The following GPC3 variants were observed in gnomAD, a reference collection of about 807,000 sequenced individuals.
GPC3 encodes the protein glypican-3.
In GPC3, 3 loss-of-function variants were observed where a neutral mutation model predicts 34.4. The ratio of observed to expected loss-of-function variants is 0.09; its 90% CI spans 0.04 to 0.23. GPC3 has a LOEUF of 0.23. Ranked by LOEUF, GPC3 falls within the 10% of genes least tolerant of loss-of-function variation. The probability of loss-of-function intolerance (pLI) is 1.00; values close to 1 mark genes in which losing one functional copy is unlikely to be tolerated. For missense variants in GPC3, 351 were observed against 445.6 expected (o/e 0.79, Z 1.91); for synonymous variants, 177 against 174.0 (o/e 1.02, Z -0.13).
intron 2 of GPC3, among the ~76,000 whole-genome samples, chrX:133,904,276 A>C (rs2076158553): frequency 9.0e-6 from 1 of 111,546 alleles, no homozygotes; most frequent in Non-Finnish European, 1.9e-5. Context: ...CTGGTCACAA[A>C]CTGTGTGACA....
At chrX:133,712,826 G>C (rs370396992) in intron 3 of GPC3, among the ~76,000 whole-genome samples, 2 of 109,936 alleles carry the variant, frequency 1.8e-5, no homozygotes, top group Admixed American at 1.9e-4. Context: ...TGGAGGTTGC[G>C]GTGAGCCGAG....
intron 2 of GPC3, among the ~76,000 whole-genome samples, chrX:133,902,364 TG>T (rs1178538521): frequency 2.7e-5 from 3 of 112,396 alleles, no homozygotes; most frequent in African/African-American, 9.7e-5. Flanking sequence ...TGAGATGTCT[TG>T]GGTTGGAGGT....
intron 2 of GPC3, among the ~76,000 whole-genome samples, chrX:133,838,401 G>A (rs2075808910): frequency 8.9e-6 from 1 of 112,056 alleles, no homozygotes; most frequent in African/African-American, 3.2e-5. Context: ...AAGTACTTGC[G>A]GAAACAGATG....
chrX:133,915,681 TC>T (rs772830037), intron 2 of GPC3, among the ~76,000 whole-genome samples: 10 of 112,613 alleles, frequency 8.9e-5, no homozygotes, highest in Non-Finnish European at 1.7e-4. Flanking sequence ...TTGGGCCATG[TC>T]CTAGGAAACC....
chrX:133,661,960 C>T (rs2070731765), intron 5 of GPC3, 110 bp from the exon 6 acceptor site: 2 of 887,737 alleles, frequency 2.3e-6, no homozygotes, highest in South Asian at 4.2e-5. Context: ...CATGAGACGA[C>T]CTCATGGTGC....
intron 5 of GPC3, among the ~76,000 whole-genome samples, chrX:133,682,060 CGTT>C (rs1364317549): frequency 2.7e-5 from 3 of 111,648 alleles, no homozygotes; most frequent in African/African-American, 9.8e-5. Context: ...GCAGCCCAAA[CGTT>C]GTTGCAACAA....
chrX:133,668,346 A>C (rs1479068372), intron 5 of GPC3, among the ~76,000 whole-genome samples: 3 of 111,897 alleles, frequency 2.7e-5, no homozygotes, highest in African/African-American at 9.8e-5. Context: ...TCAAGTTCTC[A>C]CTACCTTTTC....
At chrX:133,659,094 C>G (rs1381812933) in intron 6 of GPC3, among the ~76,000 whole-genome samples, 1 of 112,318 alleles carries the variant, frequency 8.9e-6, no homozygotes, top group Admixed American at 9.4e-5. Context: ...TTACATATAT[C>G]TATGTGTACA....
intron 6 of GPC3, among the ~76,000 whole-genome samples, chrX:133,620,065 G>A (rs1264272373): frequency 9.3e-6 from 1 of 108,018 alleles, no homozygotes; most frequent in South Asian, 4.2e-4. Context: ...CTAAAAATAT[G>A]AAAAATTAGT....
chrX:133,798,627 C>T (rs2075593765), intron 2 of GPC3, among the ~76,000 whole-genome samples: 1 of 112,454 alleles, frequency 8.9e-6, no homozygotes, highest in African/African-American at 3.2e-5. Context: ...TTTGTAAGCA[C>T]TCAGTTCAAA....
intron 3 of GPC3, among the ~76,000 whole-genome samples, chrX:133,723,074 TC>T (rs3831708): frequency 0.22 from 24,647 of 111,059 alleles, 2,962 homozygotes; most frequent in East Asian, 0.5. Context: ...TTGACTTCTC[TC>T]TTTGTCCATT....
At chrX:133,669,444 C>A (rs1334790461) in intron 5 of GPC3, among the ~76,000 whole-genome samples, 4 of 112,013 alleles carry the variant, frequency 3.6e-5, no homozygotes, top group Non-Finnish European at 7.5e-5. Flanking sequence ...GGTGCCTCTG[C>A]AGCTTTGCAT....
At chrX:133,538,035 C>T (rs773514040) in intron 7 of GPC3, among the ~76,000 whole-genome samples, 124 of 111,722 alleles carry the variant, frequency 1.1e-3, no homozygotes, top group South Asian at 1.9e-3. Flanking sequence ...GAGAGTTTTT[C>T]TTCCTGAGTA....
intron 6 of GPC3, among the ~76,000 whole-genome samples, chrX:133,611,381 T>C (rs1412508767): frequency 8.9e-6 from 1 of 111,793 alleles, no homozygotes; most frequent in Non-Finnish European, 1.9e-5. Context: ...ACCAGCTCAG[T>C]GCAAGAAGAG....
chrX:133,603,859 GCT>G (rs1234469854), intron 6 of GPC3, among the ~76,000 whole-genome samples: 3 of 111,971 alleles, frequency 2.7e-5, no homozygotes, highest in African/African-American at 6.5e-5. Flanking sequence ...TTTGGCTGAA[GCT>G]CTTTTTGTGC....
intron 6 of GPC3, among the ~76,000 whole-genome samples, chrX:133,600,625 C>T (rs1276723565): frequency 1.8e-5 from 2 of 111,226 alleles, no homozygotes; most frequent in Non-Finnish European, 3.8e-5. Context: ...ATTGTTAATG[C>T]GAAAATCTTA....
At chrX:133,673,551 C>T (rs781269933) in intron 5 of GPC3, among the ~76,000 whole-genome samples, 4 of 112,182 alleles carry the variant, frequency 3.6e-5, no homozygotes, top group East Asian at 5.6e-4. Context: ...AGATTAAGTT[C>T]GGTTTGGCAG....
intron 1 of GPC3, among the ~76,000 whole-genome samples, chrX:133,981,762 A>C (rs1318387634): frequency 8.9e-6 from 1 of 111,796 alleles, no homozygotes; most frequent in African/African-American, 3.3e-5. Flanking sequence ...CAAATACCAA[A>C]CTATCTCTTT....
intron 2 of GPC3, among the ~76,000 whole-genome samples, chrX:133,854,917 T>G (rs1295193634): frequency 8.9e-6 from 1 of 112,144 alleles, no homozygotes; most frequent in Non-Finnish European, 1.9e-5. Flanking sequence ...CTATATATAA[T>G]GATATGGTGA....
Sources: allele counts gnomAD v4.1 joint callset (sites outside exome capture counted in the v4.1 genomes callset), GRCh38; gene constraint gnomAD v4.1.1; transcripts MANE v1.5; gene names NCBI Gene and HGNC (gene_info 2026-07-23, HGNC 2026-07-21).